SLC35F3: variants seen among roughly 807,000 people sequenced by gnomAD.
SLC35F3 encodes the protein putative thiamine transporter SLC35F3.
A neutral mutation model predicts 49.9 loss-of-function variants in SLC35F3; 25 were observed. That is an observed-to-expected ratio of 0.50 (90% CI 0.37 to 0.70). The LOEUF (loss-of-function observed/expected upper bound fraction) is 0.70. SLC35F3 is among the 30% of genes least tolerant of loss of function. The pLI, the probability that SLC35F3 is intolerant of heterozygous loss-of-function variation, is 0.00. For missense variants in SLC35F3, 525 were observed against 639.8 expected, an observed-to-expected ratio of 0.82 and a Z score of 1.94; for synonymous variants, 275 against 265.4, an observed-to-expected ratio of 1.04 and a Z score of -0.35.
intron 3 of SLC35F3, among the ~76,000 whole-genome samples, chr1:234,290,210 G>C (rs6701369): frequency 0.28 from 43,287 of 152,014 alleles, 6,501 homozygotes; most frequent in Middle Eastern, 0.32. Flanking sequence ...AGACACAATG[G>C]AATGTTAAGA....
intron 2 of SLC35F3, among the ~76,000 whole-genome samples, chr1:233,965,650 T>C (rs10737200): frequency 0.47 from 70,996 of 151,868 alleles, 17,114 homozygotes; most frequent in Non-Finnish European, 0.52. Context: ...AAGAAATAAA[T>C]GCTGCCAATA....
chr1:234,000,090 G>A (rs550172150), intron 2 of SLC35F3, among the ~76,000 whole-genome samples: 9 of 152,228 alleles, frequency 5.9e-5, no homozygotes, highest in East Asian at 1.9e-4. Flanking sequence ...GCTGTGTAAC[G>A]AGGATATTCA....
chr1:234,135,127 G>T (rs1665790464), intron 2 of SLC35F3, among the ~76,000 whole-genome samples: 1 of 152,198 alleles, frequency 6.6e-6, no homozygotes, highest in African/African-American at 2.4e-5. Context: ...ATTGAGCAGA[G>T]ACTTAAATAG....
intron 2 of SLC35F3, among the ~76,000 whole-genome samples, chr1:233,913,804 C>T (rs969078954): frequency 6.6e-6 from 1 of 152,218 alleles, no homozygotes; most frequent in African/African-American, 2.4e-5. Flanking sequence ...CTGCTAAAAA[C>T]ACTGACAAGT....
intron 2 of SLC35F3, among the ~76,000 whole-genome samples, chr1:233,961,964 C>T (rs543282036): frequency 6.6e-6 from 1 of 152,212 alleles, no homozygotes; most frequent in South Asian, 2.1e-4. Flanking sequence ...AATCCAAAGG[C>T]ATAGGGATGA....
At chr1:233,992,574 G>A (rs947764531) in intron 2 of SLC35F3, among the ~76,000 whole-genome samples, 8 of 152,242 alleles carry the variant, frequency 5.3e-5, no homozygotes, top group East Asian at 1.9e-4. Context: ...TCACTACCTC[G>A]AGAATAGCAC....
intron 2 of SLC35F3, among the ~76,000 whole-genome samples, chr1:234,105,392 G>A (rs2045522): frequency 0.14 from 21,886 of 152,170 alleles, 3,233 homozygotes; most frequent in East Asian, 0.81. Context: ...GGCTCTCCAT[G>A]TATCTGCTTA....
At chr1:234,173,217 A>G (rs1363515862) in intron 2 of SLC35F3, among the ~76,000 whole-genome samples, 3 of 152,216 alleles carry the variant, frequency 2.0e-5, no homozygotes, top group South Asian at 4.1e-4. Context: ...GTGGAAGCTC[A>G]TAAATGATCA....
chr1:234,009,653 G>A (rs1663683964), intron 2 of SLC35F3, among the ~76,000 whole-genome samples: 1 of 152,046 alleles, frequency 6.6e-6, no homozygotes, highest in Non-Finnish European at 1.5e-5. Flanking sequence ...GCCTTCACTT[G>A]TCAGAGTTCA....
chr1:233,945,171 G>A (rs1012492019), intron 2 of SLC35F3, among the ~76,000 whole-genome samples: 1 of 151,834 alleles, frequency 6.6e-6, no homozygotes, highest in African/African-American at 2.4e-5. Context: ...CAGAAAAGGT[G>A]ATTCAAAATC....
At chr1:234,184,504 G>A (rs1563694) in intron 2 of SLC35F3, among the ~76,000 whole-genome samples, 30,589 of 152,134 alleles carry the variant, frequency 0.2, 3,805 homozygotes, top group Non-Finnish European at 0.28. Context: ...GGAAATTTTC[G>A]AGGCTATGAG....
intron 2 of SLC35F3, among the ~76,000 whole-genome samples, chr1:234,069,262 A>ATTT (rs35052058): frequency 7.8e-6 from 1 of 128,366 alleles, no homozygotes; most frequent in Non-Finnish European, 1.6e-5. Context: ...TATAAAATAC[A>ATTT]TTTTTTTTTT....
rs181918181 is a variant in SLC35F3, at chr1:233,915,554, T to A, written c.283+9796T>A. On this transcript the variant is annotated intron_variant, in intron 2 of 7. Transcript: ENST00000366618. ...GATAGAGCAAATTCTTGTTTTTTTT[T>A]AAAAAAGTCCCTTGTTTCTAAAAGA... 2.1e-3 allele frequency among the ~76,000 whole-genome samples: 319 copies of A among 151,992 alleles called. 2 individuals carry two copies. Among genetic ancestry groups the A allele is most frequent in the African/African-American group, 5.6e-3 (233 of 41,472 alleles).
intron 2 of SLC35F3, among the ~76,000 whole-genome samples, chr1:234,173,014 T>C (rs1666425014): frequency 6.6e-6 from 1 of 152,130 alleles, no homozygotes; most frequent in Non-Finnish European, 1.5e-5. Flanking sequence ...AAATTCTCAT[T>C]GACACAACAC....
intron 2 of SLC35F3, among the ~76,000 whole-genome samples, chr1:234,176,029 C>A (rs1383951856): frequency 6.6e-6 from 1 of 152,234 alleles, no homozygotes; most frequent in East Asian, 1.9e-4. Context: ...TGCTTGCCAA[C>A]ATTAAGTGCC....
At position 234,309,227 on chromosome 1, in the gene SLC35F3, C is replaced by A. The variant is rs767672415; in HGVS notation, c.735C>A (p.Asn245Lys). 1.2e-6 allele frequency: 2 copies of A among 1,613,922 alleles called. No homozygotes were observed. The highest frequency in any genetic ancestry group is 1.7e-6 in the Non-Finnish European group (2 of 1,179,916). Residue 245 changes from asparagine (N) to lysine (K), a missense_variant, in exon 4 of 8, where the codon AAC (asparagine) becomes AAA (lysine). Transcript: ENST00000366618. ...YLYLHAIKKI[N>K]TTDVSVLFCC... ...ACTTACATGCAATAAAGAAAATAAA[C>A]ACTACGGATGTCTCCGTGTTGTTCT... is the stretch of plus-strand genomic sequence containing the variant.
intron 3 of SLC35F3, among the ~76,000 whole-genome samples, chr1:234,257,443 ATT>A (rs1558275825): frequency 6.6e-6 from 1 of 151,754 alleles, no homozygotes; most frequent in African/African-American, 2.4e-5. Flanking sequence ...TACTGATTTG[ATT>A]TTGTCTTTTT....
At chr1:234,086,706 T>C (rs1250278321) in intron 2 of SLC35F3, among the ~76,000 whole-genome samples, 1 of 152,182 alleles carries the variant, frequency 6.6e-6, no homozygotes, top group East Asian at 1.9e-4. Context: ...CTACCCTAGC[T>C]AGAGAGTGGT....
intron 2 of SLC35F3, among the ~76,000 whole-genome samples, chr1:234,010,043 G>C (rs1366818275): frequency 1.3e-5 from 2 of 152,088 alleles, no homozygotes; most frequent in Non-Finnish European, 2.9e-5. Context: ...TATAAAACTT[G>C]ATGGTATAAG....
Sources: allele counts gnomAD v4.1 joint callset (sites outside exome capture counted in the v4.1 genomes callset), GRCh38; gene constraint gnomAD v4.1.1; transcripts MANE v1.5; gene names NCBI Gene and HGNC (gene_info 2026-07-23, HGNC 2026-07-21).